Variants in DPP6 observed in about 807,000 individuals in gnomAD.
DPP6 encodes A-type potassium channel modulatory protein DPP6.
DPP6 carries 69 observed loss-of-function variants against 122.6 expected under a neutral mutation model. That is an observed-to-expected ratio of 0.56 (90% CI 0.46 to 0.69). The LOEUF is 0.69. DPP6 is among the 30% of genes least tolerant of loss of function. The probability of loss-of-function intolerance (pLI) is 0.00; values close to 1 mark genes in which losing one functional copy is unlikely to be tolerated. For missense variants in DPP6, 928 were observed against 1,116.9 expected, an observed-to-expected ratio of 0.83 and a Z score of 2.41; for synonymous variants, 418 against 433.1, an observed-to-expected ratio of 0.97 and a Z score of 0.43.
intron 1 of DPP6, among the ~76,000 whole-genome samples, chr7:154,317,501 C>T (rs118175429): frequency 2.5e-3 from 385 of 152,228 alleles, no homozygotes; most frequent in Non-Finnish European, 3.9e-3. Flanking sequence ...TATTCATTGT[C>T]GAAAATGTGT....
intron 1 of DPP6, among the ~76,000 whole-genome samples, chr7:154,315,550 A>G (rs903835513): frequency 6.6e-6 from 1 of 152,058 alleles, no homozygotes; most frequent in Non-Finnish European, 1.5e-5. Flanking sequence ...GCACAGTCTT[A>G]AGACACATCA....
At chr7:154,327,503 C>T (rs1175664322) in intron 1 of DPP6, among the ~76,000 whole-genome samples, 4 of 151,946 alleles carry the variant, frequency 2.6e-5, no homozygotes, top group Non-Finnish European at 2.9e-5. Context: ...TATACTACAC[C>T]GTAATTTGAT....
At chr7:153,817,037 G>A in the DPP6 span, among the ~76,000 whole-genome samples, 1 of 149,876 alleles carries the variant, frequency 6.7e-6, no homozygotes, top group East Asian at 2.0e-4. Context: ...AATTCCAGGG[G>A]TTCAGTCTAG....
At chr7:153,821,895 T>A in the DPP6 span, among the ~76,000 whole-genome samples, 1 of 152,092 alleles carries the variant, frequency 6.6e-6, no homozygotes, top group African/African-American at 2.4e-5. Context: ...TCTAATTCAG[T>A]CAAATTCTGC....
chr7:153,827,249 A>G, the DPP6 span, among the ~76,000 whole-genome samples: 1 of 152,244 alleles, frequency 6.6e-6, no homozygotes, highest in Non-Finnish European at 1.5e-5. Context: ...AGAAGAATAT[A>G]TAACAGTGTA....
At chr7:153,858,162 A>G in the DPP6 span, among the ~76,000 whole-genome samples, 1 of 152,150 alleles carries the variant, frequency 6.6e-6, no homozygotes, top group African/African-American at 2.4e-5. Context: ...CAAAATGACA[A>G]GAGAGTTTTC....
chr7:154,837,027 T>A (rs1000591500), intron 16 of DPP6, among the ~76,000 whole-genome samples: 1 of 152,224 alleles, frequency 6.6e-6, no homozygotes, highest in Admixed American at 6.5e-5. Context: ...TAATGAGTCC[T>A]GGGCTGGTGT....
chr7:153,870,273 C>T, the DPP6 span, among the ~76,000 whole-genome samples: 4 of 152,236 alleles, frequency 2.6e-5, no homozygotes, highest in Non-Finnish European at 5.9e-5. Flanking sequence ...TTCTCCCTGT[C>T]ACTTTCAGGT....
At chr7:154,373,597 T>G (rs930242844) in intron 1 of DPP6, among the ~76,000 whole-genome samples, 1 of 152,230 alleles carries the variant, frequency 6.6e-6, no homozygotes, top group African/African-American at 2.4e-5. Flanking sequence ...TATTTCTGCA[T>G]GCGCTCATTT....
intron 8 of DPP6, among the ~76,000 whole-genome samples, chr7:154,749,999 G>T (rs552449610): frequency 1.3e-5 from 2 of 149,584 alleles, no homozygotes; most frequent in African/African-American, 4.9e-5. Context: ...GAGAGCATAG[G>T]ACGGGAAAGA....
intron 5 of DPP6, chr7:154,587,691 A>G (rs1355061072): frequency 6.4e-7 from 1 of 1,550,890 alleles, no homozygotes; most frequent in Admixed American, 2.0e-5. Flanking sequence ...TGCCTCATTC[A>G]AAATCATGTG....
At chr7:154,642,237 T>G (rs191610782) in intron 6 of DPP6, among the ~76,000 whole-genome samples, 1 of 152,262 alleles carries the variant, frequency 6.6e-6, no homozygotes, top group East Asian at 1.9e-4. Flanking sequence ...TCTGGTTGTG[T>G]GACCTTGAGA....
chr7:154,828,448 G>T (rs778710026), intron 16 of DPP6, among the ~76,000 whole-genome samples: 8 of 152,110 alleles, frequency 5.3e-5, no homozygotes, highest in Non-Finnish European at 1.0e-4. Flanking sequence ...GCAGCCACCG[G>T]CAAATGACAA....
rs569415202 is a variant in DPP6, at chr7:153,966,225, G to A, written c.51+78491G>A. On this transcript the variant is annotated intron_variant, in intron 1 of 25. Transcript: ENST00000404039. The stretch of plus-strand genomic sequence containing the variant: ...TTAGATTGAAAAACACACATATATG[G>A]GGCTGTGACCTGAACTATATCTGAC... 1.5e-3 allele frequency among the ~76,000 whole-genome samples: 230 copies of A among 150,270 alleles called. 6 individuals are homozygous for A. The highest frequency in any genetic ancestry group is 5.4e-3 in the African/African-American group (220 of 40,484).
intron 1 of DPP6, among the ~76,000 whole-genome samples, chr7:154,020,141 C>T (rs534344083): frequency 3.0e-4 from 45 of 152,274 alleles, no homozygotes; most frequent in Non-Finnish European, 5.4e-4. Flanking sequence ...CATACAGCAG[C>T]TCTGCTGTCT....
chr7:153,814,478 C>T, the DPP6 span, among the ~76,000 whole-genome samples: 1 of 152,022 alleles, frequency 6.6e-6, no homozygotes, highest in Non-Finnish European at 1.5e-5. Context: ...AGCTTACCAA[C>T]CAAAAAGAGT....
intron 5 of DPP6, among the ~76,000 whole-genome samples, chr7:154,603,352 A>G (rs1833477259): frequency 8.5e-6 from 1 of 118,106 alleles, no homozygotes; most frequent in Non-Finnish European, 1.9e-5. Flanking sequence ...CTACTCTTAC[A>G]TGGATATTCG....
intron 1 of DPP6, among the ~76,000 whole-genome samples, chr7:154,142,351 A>G (rs1013457088): frequency 1.3e-5 from 2 of 152,214 alleles, no homozygotes; most frequent in African/African-American, 4.8e-5. Flanking sequence ...CAAACTGAAT[A>G]TATAAATCAA....
the DPP6 span, among the ~76,000 whole-genome samples, chr7:153,791,454 T>C: frequency 2.1e-5 from 2 of 94,384 alleles, no homozygotes; most frequent in Non-Finnish European, 4.2e-5. Context: ...GGAGTCTCAT[T>C]GTTTCCCAGG....
Sources: gnomAD v4.1 joint callset for allele counts (sites outside exome capture counted in the v4.1 genomes callset) on GRCh38, gnomAD v4.1.1 for gene constraint, MANE v1.5 for transcripts, NCBI Gene and HGNC (gene_info 2026-07-23, HGNC 2026-07-21) for gene names.